MS4A13: variants seen among roughly 807,000 people sequenced by gnomAD.
MS4A13 encodes the protein membrane spanning 4-domains A13.
A neutral mutation model predicts 18.4 loss-of-function variants in MS4A13; 21 were observed. The observed-to-expected ratio is 1.14, with a 90% CI of 0.81 to 1.64. MS4A13 has a LOEUF of 1.64. Ranked by LOEUF, MS4A13 falls within the 40% of genes most tolerant of loss-of-function variation. MS4A13 has a pLI of 0.00. For missense variants in MS4A13, 173 were observed against 176.8 expected (o/e 0.98, Z 0.12); for synonymous variants, 62 against 57.2 (o/e 1.08, Z -0.38).
intron 3 of MS4A13, among the ~76,000 whole-genome samples, chr11:60,522,239 G>GATAGATATATATATATATATCTATAT (rs55942628): frequency 1.5e-5 from 2 of 133,890 alleles, no homozygotes; most frequent in Admixed American, 1.6e-4. Flanking sequence ...TAGATAGATA[G>GATAGATATATATATATATATCTATAT]ATGTATATAT....
intron 3 of MS4A13, among the ~76,000 whole-genome samples, chr11:60,522,016 AT>A (rs927595232): frequency 5.9e-5 from 9 of 152,036 alleles, no homozygotes; most frequent in African/African-American, 1.9e-4. Context: ...GGAAACTCCC[AT>A]TTTTAAAACC....
intron 4 of MS4A13, among the ~76,000 whole-genome samples, chr11:60,524,526 A>C (rs1027838304): frequency 7.9e-5 from 12 of 152,186 alleles, no homozygotes; most frequent in African/African-American, 2.7e-4. Context: ...CAGGATTAAA[A>C]TTTTATCAAC....
At chr11:60,522,227 G>GATGTATAT (rs1299811438) in intron 3 of MS4A13, among the ~76,000 whole-genome samples, 2 of 97,232 alleles carry the variant, frequency 2.1e-5, no homozygotes, top group Non-Finnish European at 4.0e-5. Context: ...TAGATAGATA[G>GATGTATAT]ATAGATAGAT....
chr11:60,528,228 T>C (rs1481902048), intron 5 of MS4A13, among the ~76,000 whole-genome samples: 1 of 152,248 alleles, frequency 6.6e-6, no homozygotes, highest in Non-Finnish European at 1.5e-5. Context: ...ACTTTTAATT[T>C]ATGCTATTAA....
chr11:60,538,463 A>T (rs1012968637), intron 6 of MS4A13, among the ~76,000 whole-genome samples: 5 of 151,932 alleles, frequency 3.3e-5, no homozygotes, highest in Middle Eastern at 3.4e-3. Context: ...GAGGTTATGA[A>T]TTTGTTAATT....
chr11:60,523,751 T>G, intron 3 of MS4A13, 146 bp from the exon 4 acceptor site: 3 of 564,494 alleles, frequency 5.3e-6, no homozygotes. Flanking sequence ...GATGTAAATT[T>G]GTCCTGACCC....
intron 5 of MS4A13, among the ~76,000 whole-genome samples, chr11:60,527,406 C>CGTGTGTGTG (rs2086725175): frequency 8.7e-5 from 4 of 46,108 alleles, no homozygotes; most frequent in African/African-American, 3.5e-4. Flanking sequence ...CTCTCTCTCT[C>CGTGTGTGTG]TCTCTGTGTG....
intron 6 of MS4A13, among the ~76,000 whole-genome samples, chr11:60,537,991 C>A (rs1336669963): frequency 2.2e-4 from 26 of 120,606 alleles, no homozygotes; most frequent in African/African-American, 8.2e-4. Context: ...ATCACATGGA[C>A]ACAGGAAGGG....
At chr11:60,532,860 G>C (rs1394195479) in intron 6 of MS4A13, among the ~76,000 whole-genome samples, 10 of 71,258 alleles carry the variant, frequency 1.4e-4, no homozygotes, top group Non-Finnish European at 2.3e-4. Flanking sequence ...GTGGGTCCCT[G>C]ACCCCTGACC....
intron 3 of MS4A13, among the ~76,000 whole-genome samples, chr11:60,520,752 T>A (rs914444123): frequency 1.5e-4 from 23 of 152,178 alleles, no homozygotes; most frequent in African/African-American, 5.3e-4. Context: ...TGTCAGAGGA[T>A]CTACCATTCT....
Position 60,538,177 on chromosome 11 carries a change from T to TTAAAAAAAA in MS4A13, c.403-4342_403-4341insTAAAAAAAA, listed in dbSNP as rs60140970. On this transcript the variant is annotated intron_variant, in intron 6 of 6. Transcript: ENST00000378186. ...ATGTACCCTAAAACTTAAAGTATAA[T>TTAAAAAAAA]AAAAAAAAAAAAAACGAAAAAAAAA... Among the ~76,000 whole-genome samples, 54 of 75,086 alleles carry TTAAAAAAAA rather than the reference T, an allele frequency of 7.2e-4. 1 individual carries two copies. The highest frequency in any genetic ancestry group is 0.017 in the Middle Eastern group (2 of 116). 49.3% of individuals were successfully genotyped at this position (75,086 alleles called of 152,430 possible). A position where few individuals can be genotyped will look rare whatever the true frequency, so the allele number is the denominator to read the frequency against.
intron 5 of MS4A13, among the ~76,000 whole-genome samples, chr11:60,527,211 CA>C (rs2086719087): frequency 6.6e-6 from 1 of 152,058 alleles, no homozygotes; most frequent in Non-Finnish European, 1.5e-5. Context: ...GCTTATTCTT[CA>C]TTTAAGTATT....
rs188527472 is a variant in MS4A13 at position 60,542,677 on chromosome 11, C to G, written c.*102C>G. 58 of 638,424 alleles carry G rather than the reference C, an allele frequency of 9.1e-5. No individual in the cohort carries two copies. The Admixed American group carries it at 1.3e-3, about 14-fold the overall frequency. 39.5% of individuals were successfully genotyped at this position (638,424 alleles called of 1,614,324 possible). Reference sequence around the variant, plus strand: ...AGTTACGAAGCCTACAGATTTTGTGCAAAATAAAATACAAACAAGGTGAAT... The same window carrying G: ...AGTTACGAAGCCTACAGATTTTGTGGAAAATAAAATACAAACAAGGTGAAT... On this transcript the variant is annotated 3_prime_UTR_variant, in exon 7 of 7. Transcript: ENST00000378186.
intron 3 of MS4A13, among the ~76,000 whole-genome samples, chr11:60,518,511 A>G (rs1199203635): frequency 6.6e-6 from 1 of 152,212 alleles, no homozygotes; most frequent in African/African-American, 2.4e-5. Flanking sequence ...CATTAGCATG[A>G]TTAACTTGCA....
chr11:60,524,929 G>C (rs2086703023), intron 4 of MS4A13, among the ~76,000 whole-genome samples: 1 of 152,022 alleles, frequency 6.6e-6, no homozygotes. Context: ...CAAAGTGCTG[G>C]GATTACAGGC....
At chr11:60,518,300 G>T in intron 3 of MS4A13, 88 bp downstream of exon 3, 1 of 1,084,074 alleles carries the variant, frequency 9.2e-7, no homozygotes, top group Non-Finnish European at 1.3e-6. Context: ...TTCTGAACAA[G>T]GTTTTCAGGA....
At chr11:60,529,215 A>C (rs1193469668) in intron 5 of MS4A13, 150 bp from the exon 6 acceptor site, 1 of 488,214 alleles carries the variant, frequency 2.0e-6, no homozygotes, top group Non-Finnish European at 3.6e-6. Flanking sequence ...TGTCTAAGGA[A>C]ATCAAATGGT....
At chr11:60,532,635 A>G (rs1565214673) in intron 6 of MS4A13, among the ~76,000 whole-genome samples, 2 of 151,858 alleles carry the variant, frequency 1.3e-5, no homozygotes, top group African/African-American at 2.4e-5. Flanking sequence ...AGGTAAACAA[A>G]GCAGCCTGGA....
intron 6 of MS4A13, among the ~76,000 whole-genome samples, chr11:60,530,837 T>C (rs1451144683): frequency 6.6e-6 from 1 of 152,180 alleles, no homozygotes. Flanking sequence ...TGAGTTCTCA[T>C]GAGATCTGAT....
Sources: gnomAD v4.1 joint callset for allele counts (sites outside exome capture counted in the v4.1 genomes callset) on GRCh38, gnomAD v4.1.1 for gene constraint, MANE v1.5 for transcripts, NCBI Gene and HGNC (gene_info 2026-07-23, HGNC 2026-07-21) for gene names.